The following TBX4 variants were observed in gnomAD, a reference collection of about 807,000 sequenced individuals.
TBX4 encodes the protein T-box transcription factor TBX4.
A neutral mutation model predicts 54.6 loss-of-function variants in TBX4; 13 were observed. The observed-to-expected ratio is 0.24, with a 90% CI of 0.15 to 0.38. The LOEUF is 0.38. Among genes scored for constraint, TBX4 ranks in the 10% least tolerant of loss-of-function variants. TBX4 has a pLI of 1.00. For synonymous variants in TBX4, 314 were observed against 306.7 expected, an observed-to-expected ratio of 1.02 and a Z score of -0.25; for missense variants, 631 against 728.5, an observed-to-expected ratio of 0.87 and a Z score of 1.54.
chr17:61,478,726 C>T lies in TBX4; in HGVS notation c.649C>T (p.His217Tyr). 1 of 1,614,202 alleles carries T rather than the reference C, an allele frequency of 6.2e-7. No individual in the cohort carries two copies. Among genetic ancestry groups the T allele is most frequent in the East Asian group, 2.2e-5 (1 of 44,882 alleles). ...FGSKNTAFCT[H>Y]VFPETSFISV... ...CTCCAAAAACACTGCTTTCTGCACC[C>T]ACGTGTTCCCAGAGACCTCCTTCAT... The change falls in exon 6 of 9, where the codon CAC (histidine) becomes TAC (tyrosine). Residue 217 changes from histidine to tyrosine, a missense_variant. Around this residue, in one of 3 missense-constraint regions of TBX4, gnomAD observed 154 missense variants for 238.6 expected, o/e 0.65. Coordinates refer to ENST00000644296, the MANE Select transcript of TBX4 (RefSeq NM_001321120.2). The surrounding 1 kb of genome is among the most constrained non-coding windows in gnomAD (Gnocchi z 7.4).
At chr17:61,456,359 G>A (rs1297504965) in intron 1 of TBX4, 129 bp from the exon 2 acceptor site, 6 of 1,266,268 alleles carry the variant, frequency 4.7e-6, no homozygotes, top group Non-Finnish European at 4.5e-6. Context: ...CTCAGGAGGG[G>A]GCGGGGTCCA....
chr17:61,479,975 G>A lies in TBX4; in HGVS notation c.791+6G>A, dbSNP rs1223152869. 1.1e-5 allele frequency: 18 copies of A among 1,613,940 alleles called. No homozygotes were observed. Among genetic ancestry groups the A allele is most frequent in the Non-Finnish European group, 1.4e-5 (17 of 1,179,992 alleles). On this transcript the variant is annotated splice_donor_region_variant and intron_variant, in intron 7 of 8. Transcript: ENST00000644296. The surrounding 1 kb of genome is among the most constrained non-coding windows in gnomAD (Gnocchi z 6.1). ...CGTGTGGCCCGACTGCAGAGGTGGGGCTGCGTAGCCTGGGGGTGGGGCGGG... is the reference window on the plus strand; with the variant it reads ...CGTGTGGCCCGACTGCAGAGGTGGGACTGCGTAGCCTGGGGGTGGGGCGGG...
At chr17:61,482,369 A>T (rs906808279) in intron 8 of TBX4, among the ~76,000 whole-genome samples, 4 of 152,144 alleles carry the variant, frequency 2.6e-5, no homozygotes, top group Admixed American at 2.6e-4. Context: ...AACACATGTG[A>T]GGTTAGTTCA....
At chr17:61,463,625 C>T (rs543060521) in intron 3 of TBX4, among the ~76,000 whole-genome samples, 13 of 152,352 alleles carry the variant, frequency 8.5e-5, no homozygotes, top group African/African-American at 2.9e-4. Context: ...GGCTATGACG[C>T]GTGCCAAAGT....
chr17:61,483,440 C>T lies in TBX4; in HGVS notation c.1565C>T (p.Thr522Ile). ...GCCAATGAGTTTCTCTACTCTCAAACCTTCTCCTTGTCCCGAGAATCTTCC... is the reference window on the plus strand; with the variant it reads ...GCCAATGAGTTTCTCTACTCTCAAATCTTCTCCTTGTCCCGAGAATCTTCC... ...NAANEFLYSQ[T>I]FSLSRESSLQ... The change falls in exon 9 of 9, where the codon ACC (threonine) becomes ATC (isoleucine). Residue 522 changes from threonine (T) to isoleucine (I), a missense_variant. Coordinates refer to ENST00000644296, the MANE Select transcript of TBX4 (RefSeq NM_001321120.2). The surrounding 1 kb of genome is among the most constrained non-coding windows in gnomAD (Gnocchi z 6.6). The T allele has an allele frequency of 6.2e-7, 1 of 1,614,210 alleles. No individual in the cohort carries two copies. The highest frequency in any genetic ancestry group is 1.1e-5 in the South Asian group (1 of 91,082).
At chr17:61,454,517 C>A (rs1224908567) in intron 1 of TBX4, among the ~76,000 whole-genome samples, 3 of 152,226 alleles carry the variant, frequency 2.0e-5, no homozygotes, top group Non-Finnish European at 4.4e-5. Flanking sequence ...CGAGGACGGC[C>A]GCCCCGGGCC....
chr17:61,470,030 C>G (rs1290687592), intron 5 of TBX4, among the ~76,000 whole-genome samples: 1 of 152,204 alleles, frequency 6.6e-6, no homozygotes, highest in East Asian at 1.9e-4. Flanking sequence ...ATCCCAGGAG[C>G]TTGAGCAGCT....
At chr17:61,456,312 C>G in intron 1 of TBX4, 176 bp from the exon 2 acceptor site, 1 of 764,224 alleles carries the variant, frequency 1.3e-6, no homozygotes, top group Non-Finnish European at 2.2e-6. Context: ...AGGGAGGAGG[C>G]GAGGGACCTG....
At position 61,464,683 on chromosome 17, in the gene TBX4, C is replaced by G. The variant is rs1477308875; in HGVS notation, c.282-1136C>G. ...GTGGGGGATGGAGTCTGAGGAGGAT[C>G]GTGGGAAGTTCCGTTCTTCCCTCTG... On this transcript the variant is annotated intron_variant, in intron 3 of 8. Transcript: ENST00000644296. This position sits in a 1 kb window ranked among gnomAD's most constrained non-coding sequence, Gnocchi z 5.8. Among the ~76,000 whole-genome samples the G allele has an allele frequency of 3.3e-5, 5 of 152,090 alleles. No homozygotes were observed. The highest frequency in any genetic ancestry group is 7.4e-5 in the Non-Finnish European group (5 of 68,018).
rs1454400428 is a variant in TBX4 at position 61,472,723 on chromosome 17, A to G, written c.549+5066A>G. 2.0e-5 allele frequency among the ~76,000 whole-genome samples: 3 copies of G among 150,832 alleles called. No homozygotes were observed. The highest frequency in any genetic ancestry group is 3.0e-5 in the Non-Finnish European group (2 of 67,788). On this transcript the variant is annotated intron_variant, in intron 5 of 8. Transcript: ENST00000644296. This position sits in a 1 kb window ranked among gnomAD's most constrained non-coding sequence, Gnocchi z 4.5. ...TTTTCTTTTAGTATTTTATGGATTT[A>G]TTTTTACATTTAAACCATTGATCCT...
In TBX4 at chr17:61,483,015, C is replaced by T; in HGVS notation, c.1140C>T (p.Ser380=). ...SPPPYDQQML[S]PSYCSEVTPR... ...CTCCCTACGACCAGCAAATGCTGAG[C>T]CCCTCCTACTGCAGTGAGGTGACCC... The change falls in exon 9 of 9, where the codon AGC becomes AGT. Residue 380 remains serine (S), a synonymous_variant. Coordinates refer to ENST00000644296, the MANE Select transcript of TBX4 (RefSeq NM_001321120.2). This position sits in a 1 kb window ranked among gnomAD's most constrained non-coding sequence, Gnocchi z 6.6. The T allele has an allele frequency of 6.2e-7, 1 of 1,614,110 alleles. No individual in the cohort carries two copies. Among genetic ancestry groups the T allele is most frequent in the Non-Finnish European group, 8.5e-7 (1 of 1,180,002 alleles).
At position 61,459,822 on chromosome 17, in the gene TBX4, G is replaced by GA. The variant is rs1340857029; in HGVS notation, c.281+2195dup. ...TCCTTGCACTGGGTCTGGTTCTTAA[G>GA]AAAATCACTAGTCTCATGCCCCCAA... On this transcript the variant is annotated intron_variant, in intron 3 of 8. Coordinates refer to ENST00000644296, the MANE Select transcript of TBX4 (RefSeq NM_001321120.2). This position sits in a 1 kb window ranked among gnomAD's most constrained non-coding sequence, Gnocchi z 4.8. Among the ~76,000 whole-genome samples the GA allele has an allele frequency of 4.6e-5, 7 of 152,278 alleles. No homozygotes were observed. Among genetic ancestry groups the GA allele is most frequent in the Admixed American group, 2.0e-4 (3 of 15,306 alleles).
At chr17:61,473,148 G>A (rs577244535) in intron 5 of TBX4, among the ~76,000 whole-genome samples, 1 of 152,278 alleles carries the variant, frequency 6.6e-6, no homozygotes, top group African/African-American at 2.4e-5. Flanking sequence ...TCTATTTGCT[G>A]AGGGTTTTCT....
Position 61,472,276 on chromosome 17 carries a change from A to T in TBX4, c.549+4619A>T, listed in dbSNP as rs1194791179. Among the ~76,000 whole-genome samples, 2 of 152,330 alleles carry T rather than the reference A, an allele frequency of 1.3e-5. No homozygotes were observed. The highest frequency in any genetic ancestry group is 3.9e-4 in the East Asian group (2 of 5,192). On this transcript the variant is annotated intron_variant, in intron 5 of 8. Coordinates refer to ENST00000644296, the MANE Select transcript of TBX4 (RefSeq NM_001321120.2). The surrounding 1 kb of genome is among the most constrained non-coding windows in gnomAD (Gnocchi z 4.5). ...CTCCATGGGAGCTGTACTGATGTATATATTTCCACCACTGCTGTGGCCTTA... is the reference window on the plus strand; with the variant it reads ...CTCCATGGGAGCTGTACTGATGTATTTATTTCCACCACTGCTGTGGCCTTA...
rs1444039040 is a variant in TBX4, at chr17:61,461,555, G to A, written c.281+3924G>A. 1.3e-5 allele frequency among the ~76,000 whole-genome samples: 2 copies of A among 152,314 alleles called. No individual in the cohort carries two copies. The highest frequency in any genetic ancestry group is 2.9e-5 in the Non-Finnish European group (2 of 68,032). On this transcript the variant is annotated intron_variant, in intron 3 of 8. Coordinates refer to ENST00000644296, the MANE Select transcript of TBX4 (RefSeq NM_001321120.2). The surrounding 1 kb of genome is among the most constrained non-coding windows in gnomAD (Gnocchi z 5.1). The stretch of plus-strand genomic sequence containing the variant: ...CTTTTCAGACTCTGAGCTCCAAGGC[G>A]CCTGTGTATGTGTACACACATATAT...
At position 61,465,549 on chromosome 17, in the gene TBX4, T is replaced by A. The variant is rs1432491212; in HGVS notation, c.282-270T>A. 6.6e-6 allele frequency among the ~76,000 whole-genome samples: 1 copy of A among 152,158 alleles called. No individual in the cohort carries two copies. Among genetic ancestry groups the A allele is most frequent in the African/African-American group, 2.4e-5 (1 of 41,422 alleles). On this transcript the variant is annotated intron_variant, in intron 3 of 8. Transcript: ENST00000644296. The surrounding 1 kb of genome is among the most constrained non-coding windows in gnomAD (Gnocchi z 4.9). The stretch of plus-strand genomic sequence containing the variant: ...TCTTAGGGGATTATGGGGGAGGGGA[T>A]AAGTGAATTTGGGAAATGGTGTAAA...
At chr17:61,469,092 A>C (rs2143829590) in intron 5 of TBX4, among the ~76,000 whole-genome samples, 1 of 152,310 alleles carries the variant, frequency 6.6e-6, no homozygotes, top group East Asian at 1.9e-4. Context: ...TAGAGATCCA[A>C]ACCTGGAGAG....
chr17:61,473,880 G>A (rs1238819193), intron 5 of TBX4, among the ~76,000 whole-genome samples: 1 of 152,234 alleles, frequency 6.6e-6, no homozygotes, highest in Non-Finnish European at 1.5e-5. Flanking sequence ...CTGTTGCTGT[G>A]GCAGAAGGCA....
Position 61,456,593 on chromosome 17 carries a change from G to T in TBX4, c.103G>T (p.Ala35Ser), listed in dbSNP as rs765299000. The T allele has an allele frequency of 9.8e-6, 15 of 1,527,814 alleles. No individual in the cohort carries two copies. The highest frequency in any genetic ancestry group is 1.4e-5 in the African/African-American group (1 of 71,116). 94.6% of individuals were successfully genotyped at this position (1,527,814 alleles called of 1,614,324 possible). A position where few individuals can be genotyped will look rare whatever the true frequency, so the allele number is the denominator to read the frequency against. Residue 35 changes from alanine (A) to serine (S), a missense_variant, in exon 2 of 9, where the codon GCA becomes TCA. Ala to Ser is a moderately conservative substitution (Grantham distance 99). Around this residue, in one of 3 missense-constraint regions of TBX4, gnomAD observed 123 missense variants for 120.9 expected, o/e 1.02. Transcript: ENST00000644296. ...SAANAPEPAL[A>S]APGLSGAALG... ...AGCCAACGCCCCCGAGCCCGCGCTG[G>T]CAGCGCCGGGCCTCAGCGGAGCCGC...
Sources: allele counts gnomAD v4.1 joint callset (sites outside exome capture counted in the v4.1 genomes callset), GRCh38; gene constraint gnomAD v4.1.1; regional missense constraint gnomAD v4.1.1; non-coding constraint Gnocchi (gnomAD v3.1); transcripts MANE v1.5; gene names NCBI Gene and HGNC (gene_info 2026-07-23, HGNC 2026-07-21).